The following PKIA variants were observed in gnomAD, a reference collection of about 807,000 sequenced individuals.
PKIA encodes the protein cAMP-dependent protein kinase inhibitor alpha, also known as PKI-alpha.
In PKIA, 4 loss-of-function variants were observed where a neutral mutation model predicts 7.6. The observed-to-expected ratio is 0.52, with a 90% CI of 0.26 to 1.20. The LOEUF is 1.20. PKIA is among the 50% of genes most tolerant of loss of function. The pLI is 0.13. For missense variants in PKIA, 73 were observed against 86.2 expected (o/e 0.85, Z 0.61); for synonymous variants, 21 against 30.7 (o/e 0.68, Z 1.04).
chr8:78,564,689 C>G (rs1331343814), intron 1 of PKIA, among the ~76,000 whole-genome samples: 2 of 151,512 alleles, frequency 1.3e-5, no homozygotes, highest in African/African-American at 4.8e-5. Context: ...GTTCATTGTC[C>G]TGTCATGTGT....
intron 1 of PKIA, among the ~76,000 whole-genome samples, chr8:78,555,171 CAT>C (rs1166433087): frequency 2.0e-5 from 3 of 152,018 alleles, no homozygotes; most frequent in African/African-American, 4.8e-5. Flanking sequence ...CTTAGACAAA[CAT>C]ATATTTGCAT....
chr8:78,569,361 G>A (rs1160231014), intron 1 of PKIA, among the ~76,000 whole-genome samples: 2 of 152,080 alleles, frequency 1.3e-5, no homozygotes, highest in African/African-American at 4.8e-5. Context: ...CCTTGGGAAG[G>A]TGTCAGCAAG....
chr8:78,546,647 A>C (rs1289084433), intron 1 of PKIA, among the ~76,000 whole-genome samples: 1 of 152,200 alleles, frequency 6.6e-6, no homozygotes, highest in African/African-American at 2.4e-5. Context: ...CCATGCCGTT[A>C]AAACCTCATA....
intron 1 of PKIA, among the ~76,000 whole-genome samples, chr8:78,557,014 G>A (rs1807155632): frequency 6.6e-6 from 1 of 152,078 alleles, no homozygotes; most frequent in Admixed American, 6.6e-5. Flanking sequence ...TACTGCTGAA[G>A]CTTCCTCTAA....
chr8:78,601,957 T>G lies in PKIA; in HGVS notation c.*136T>G, dbSNP rs1426994993. 1 of 665,580 alleles carries G rather than the reference T, an allele frequency of 1.5e-6. No homozygotes were observed. Among genetic ancestry groups the G allele is most frequent in the Non-Finnish European group, 2.6e-6 (1 of 389,266 alleles). 41.2% of individuals were successfully genotyped at this position (665,580 alleles called of 1,614,324 possible). A position where few individuals can be genotyped will look rare whatever the true frequency, so the allele number is the denominator to read the frequency against. ...CATTGCAGGAACCTGCTCATTATCA[T>G]GTTAAAAATGAGGGCAGAGGCTGTG... On this transcript the variant is annotated 3_prime_UTR_variant, in exon 4 of 4. Coordinates refer to ENST00000396418, the MANE Select transcript of PKIA (RefSeq NM_006823.4).
At chr8:78,597,886 G>A (rs572604518) in intron 2 of PKIA, among the ~76,000 whole-genome samples, 91 of 151,890 alleles carry the variant, frequency 6.0e-4, no homozygotes, top group Middle Eastern at 3.4e-3. Flanking sequence ...AACAGTGGAC[G>A]AGATCATGTC....
chr8:78,581,323 A>G (rs1322904410), intron 2 of PKIA, among the ~76,000 whole-genome samples: 1 of 152,148 alleles, frequency 6.6e-6, no homozygotes, highest in Non-Finnish European at 1.5e-5. Flanking sequence ...AAAATGGTCA[A>G]TGAGTTTATA....
chr8:78,548,264 G>C (rs1336183510), intron 1 of PKIA, among the ~76,000 whole-genome samples: 1 of 152,008 alleles, frequency 6.6e-6, no homozygotes, highest in Non-Finnish European at 1.5e-5. Flanking sequence ...TGTGAGTGAT[G>C]TTTTATTTTT....
chr8:78,542,782 A>G (rs1806729305), intron 1 of PKIA, among the ~76,000 whole-genome samples: 1 of 152,076 alleles, frequency 6.6e-6, no homozygotes, highest in African/African-American at 2.4e-5. Context: ...TCTCTTTTGT[A>G]TTCCCAGTCA....
intron 1 of PKIA, among the ~76,000 whole-genome samples, chr8:78,524,013 T>C (rs1440894087): frequency 3.3e-5 from 4 of 122,394 alleles, no homozygotes; most frequent in Non-Finnish European, 6.8e-5. Flanking sequence ...TATATAAATA[T>C]ATATAAACGT....
chr8:78,553,240 T>G (rs1807032893), intron 1 of PKIA, among the ~76,000 whole-genome samples: 1 of 151,944 alleles, frequency 6.6e-6, no homozygotes. Flanking sequence ...ATGTGGGCTG[T>G]CTTGATATAA....
At chr8:78,557,619 GTTTA>G (rs923173659) in intron 1 of PKIA, among the ~76,000 whole-genome samples, 4 of 152,144 alleles carry the variant, frequency 2.6e-5, no homozygotes, top group Non-Finnish European at 4.4e-5. Context: ...TGCTAGGGGA[GTTTA>G]TTTATGTTCT....
At chr8:78,563,035 A>G (rs1476682639) in intron 1 of PKIA, among the ~76,000 whole-genome samples, 3 of 152,182 alleles carry the variant, frequency 2.0e-5, no homozygotes, top group Non-Finnish European at 4.4e-5. Flanking sequence ...AACATCACTT[A>G]GTAATTCACA....
intron 2 of PKIA, among the ~76,000 whole-genome samples, chr8:78,589,427 C>T (rs184434101): frequency 2.1e-4 from 32 of 152,270 alleles, no homozygotes; most frequent in Non-Finnish European, 3.7e-4. Flanking sequence ...ACATTTTAAA[C>T]ATTTACAGGT....
chr8:78,596,860 A>G (rs1808236940), intron 2 of PKIA, among the ~76,000 whole-genome samples: 1 of 152,194 alleles, frequency 6.6e-6, no homozygotes, highest in Non-Finnish European at 1.5e-5. Flanking sequence ...TGATTTTTGT[A>G]CATGGTAAAA....
At chr8:78,543,518 G>A (rs1806747148) in intron 1 of PKIA, among the ~76,000 whole-genome samples, 1 of 151,974 alleles carries the variant, frequency 6.6e-6, no homozygotes, top group Admixed American at 6.6e-5. Flanking sequence ...GTTTTTTCTA[G>A]TTATTCTCTT....
chr8:78,560,328 G>A (rs1332845267), intron 1 of PKIA, among the ~76,000 whole-genome samples: 1 of 151,984 alleles, frequency 6.6e-6, no homozygotes, highest in African/African-American at 2.4e-5. Context: ...TGTAAATTAG[G>A]TTAACTCTAA....
chr8:78,580,963 T>G (rs937917070), intron 2 of PKIA, among the ~76,000 whole-genome samples: 1 of 152,072 alleles, frequency 6.6e-6, no homozygotes, highest in African/African-American at 2.4e-5. Context: ...CATGTATGTA[T>G]GTATGTATGT....
chr8:78,547,253 C>T (rs537682660), intron 1 of PKIA, among the ~76,000 whole-genome samples: 85 of 152,054 alleles, frequency 5.6e-4, no homozygotes, highest in Non-Finnish European at 1.1e-3. Flanking sequence ...GGATTATAGG[C>T]GCCACCACAC....
Sources: gnomAD v4.1 joint callset for allele counts (sites outside exome capture counted in the v4.1 genomes callset) on GRCh38, gnomAD v4.1.1 for gene constraint, MANE v1.5 for transcripts, NCBI Gene and HGNC (gene_info 2026-07-23, HGNC 2026-07-21) for gene names.